The following PDE8B variants were observed in gnomAD, a reference collection of about 807,000 sequenced individuals.
PDE8B encodes high affinity cAMP-specific and IBMX-insensitive 3',5'-cyclic phosphodiesterase 8B.
In PDE8B, 26 loss-of-function variants were observed where a neutral mutation model predicts 101.3. The observed-to-expected ratio is 0.26, with a 90% CI of 0.19 to 0.36. The LOEUF is 0.36. Ranked by LOEUF, PDE8B falls within the 10% of genes least tolerant of loss-of-function variation. PDE8B has a pLI of 1.00. For synonymous variants in PDE8B, 424 were observed against 429.3 expected (o/e 0.99, Z 0.15); for missense variants, 810 against 1,163.1 (o/e 0.70, Z 4.42).
At chr5:77,094,977 G>C in the PDE8B span, among the ~76,000 whole-genome samples, 1 of 152,130 alleles carries the variant, frequency 6.6e-6, no homozygotes, top group Non-Finnish European at 1.5e-5. Flanking sequence ...GTGAGACTTG[G>C]AGGGGACAGA....
chr5:77,101,514 T>C, the PDE8B span, among the ~76,000 whole-genome samples: 1 of 152,188 alleles, frequency 6.6e-6, no homozygotes, highest in African/African-American at 2.4e-5. Context: ...ACTCATTCAC[T>C]GAGTCATCAC....
chr5:77,238,412 T>C (rs994608032), intron 1 of PDE8B, among the ~76,000 whole-genome samples: 5 of 152,238 alleles, frequency 3.3e-5, no homozygotes, highest in African/African-American at 1.2e-4. Flanking sequence ...AGATTTTCAT[T>C]TGATTCTTTT....
the PDE8B span, among the ~76,000 whole-genome samples, chr5:77,117,931 T>TTGG: frequency 3.9e-4 from 60 of 152,268 alleles, no homozygotes; most frequent in Non-Finnish European, 2.5e-4. Flanking sequence ...TTTTGTTTTT[T>TTGG]TGGTGGTGGT....
At chr5:77,147,073 C>A in the PDE8B span, 3 of 391,694 alleles carry the variant, frequency 7.7e-6, no homozygotes, top group South Asian at 2.3e-5. Flanking sequence ...AAAGGAAAGC[C>A]TGATGCAGCA....
the PDE8B span, chr5:77,088,471 T>A: frequency 3.2e-5 from 2 of 62,960 alleles, no homozygotes; most frequent in Admixed American, 4.4e-4. Flanking sequence ...ACTTGAAGGA[T>A]GGTGAGTGCC....
At chr5:77,117,688 A>G in the PDE8B span, among the ~76,000 whole-genome samples, 1 of 152,224 alleles carries the variant, frequency 6.6e-6, no homozygotes, top group South Asian at 2.1e-4. Flanking sequence ...TTCAGAAGCC[A>G]GCAGCCAAAA....
intron 1 of PDE8B, among the ~76,000 whole-genome samples, chr5:77,252,306 C>T (rs1038685479): frequency 3.9e-5 from 6 of 152,198 alleles, no homozygotes; most frequent in African/African-American, 1.2e-4. Flanking sequence ...CCTCCTTTTA[C>T]CCTTGAATCT....
At chr5:77,114,099 G>T in the PDE8B span, 1 of 152,208 alleles carries the variant, frequency 6.6e-6, no homozygotes. Context: ...GGAAGACAGT[G>T]TGGTGATTCC....
chr5:77,154,230 A>T, the PDE8B span, among the ~76,000 whole-genome samples: 4 of 152,182 alleles, frequency 2.6e-5, no homozygotes, highest in Admixed American at 6.5e-5. Flanking sequence ...TGCTTTTCTC[A>T]TATGGCTGAT....
the PDE8B span, among the ~76,000 whole-genome samples, chr5:77,176,777 A>G: frequency 1.3e-5 from 2 of 152,214 alleles, no homozygotes; most frequent in Non-Finnish European, 2.9e-5. Context: ...ATGAACCACT[A>G]GGAATCAGAT....
chr5:77,268,300 C>A (rs552411688), intron 1 of PDE8B, among the ~76,000 whole-genome samples: 3 of 152,168 alleles, frequency 2.0e-5, no homozygotes, highest in African/African-American at 7.2e-5. Flanking sequence ...GCGTACAATG[C>A]ATAATAATCA....
chr5:77,189,687 G>A, the PDE8B span, among the ~76,000 whole-genome samples: 1 of 152,210 alleles, frequency 6.6e-6, no homozygotes, highest in Non-Finnish European at 1.5e-5. Flanking sequence ...GTGAGCAGGA[G>A]GGGCAGCAGG....
At chr5:77,179,704 TA>T in the PDE8B span, among the ~76,000 whole-genome samples, 1 of 152,154 alleles carries the variant, frequency 6.6e-6, no homozygotes, top group Non-Finnish European at 1.5e-5. Flanking sequence ...TCCCTACAAT[TA>T]AGGCTGAGGG....
chr5:77,425,172 C>T (rs1797760378), intron 20 of PDE8B, among the ~76,000 whole-genome samples: 1 of 152,180 alleles, frequency 6.6e-6, no homozygotes, highest in Admixed American at 6.5e-5. Context: ...TGACATTGAA[C>T]AGAGCTTTGA....
chr5:77,149,141 T>C, the PDE8B span, among the ~76,000 whole-genome samples: 1 of 152,144 alleles, frequency 6.6e-6, no homozygotes, highest in Admixed American at 6.5e-5. Context: ...TCCCCATTGA[T>C]TTTTTTGGCA....
intron 6 of PDE8B, among the ~76,000 whole-genome samples, chr5:77,338,995 G>C (rs1778689509): frequency 6.6e-6 from 1 of 152,198 alleles, no homozygotes; most frequent in Non-Finnish European, 1.5e-5. Context: ...AGGAATGTTA[G>C]GGGCACCTTG....
Position 77,260,157 on chromosome 5 carries a change from CAAA to C in PDE8B, c.339+48907_339+48909del, listed in dbSNP as rs66923234. On this transcript the variant is annotated intron_variant, in intron 1 of 21. Transcript: ENST00000264917. ...GGGCAACAAGAGCAAAACTCCATCA[CAAA>C]AAAAAAAAAAAAAGAAAAAAAAGAA... Among the ~76,000 whole-genome samples the C allele has an allele frequency of 5.6e-3, 564 of 100,978 alleles. 2 individuals carry two copies. The highest frequency in any genetic ancestry group is 7.2e-3 in the Non-Finnish European group (355 of 49,424). 66.2% of individuals were successfully genotyped at this position (100,978 alleles called of 152,430 possible).
At chr5:77,274,945 A>G (rs1307735611) in intron 1 of PDE8B, among the ~76,000 whole-genome samples, 1 of 152,212 alleles carries the variant, frequency 6.6e-6, no homozygotes, top group African/African-American at 2.4e-5. Flanking sequence ...GCCAGATGAA[A>G]TTAAGTGGTC....
chr5:77,272,074 C>T (rs1046546552), intron 1 of PDE8B, among the ~76,000 whole-genome samples: 6 of 152,206 alleles, frequency 3.9e-5, no homozygotes, highest in African/African-American at 1.4e-4. Context: ...CTGGTCTAAA[C>T]TTCTGCCCCT....
Sources: gnomAD v4.1 joint callset for allele counts (sites outside exome capture counted in the v4.1 genomes callset) on GRCh38, gnomAD v4.1.1 for gene constraint, MANE v1.5 for transcripts, NCBI Gene and HGNC (gene_info 2026-07-23, HGNC 2026-07-21) for gene names.